Variants in GSE1 observed in about 807,000 individuals in gnomAD.
The protein encoded by GSE1 is Gse1 coiled-coil protein.
A neutral mutation model predicts 112.6 loss-of-function variants in GSE1; 32 were observed. The observed-to-expected ratio is 0.28, with a 90% CI of 0.21 to 0.38. GSE1 has a LOEUF of 0.38. Ranked by LOEUF, GSE1 falls within the 10% of genes least tolerant of loss-of-function variation. The pLI, the probability that GSE1 is intolerant of heterozygous loss-of-function variation, is 1.00. For missense variants in GSE1, 2,348 were observed against 1,699.2 expected (o/e 1.38, Z -6.71); for synonymous variants, 1,115 against 735.6 (o/e 1.52, Z -8.35).
At chr16:85,171,385 C>G in exon 1 of GSE1, 1 of 985,574 alleles carries the variant, frequency 1.0e-6, no homozygotes, top group South Asian at 4.7e-5. Context: ...CGAGAAGGAG[C>G]CCTTCTTCCC....
chr16:85,263,822 C>G (rs1372925484), intron 1 of GSE1, among the ~76,000 whole-genome samples: 1 of 152,198 alleles, frequency 6.6e-6, no homozygotes, highest in Non-Finnish European at 1.5e-5. Flanking sequence ...ATCTGCCTTC[C>G]TCGGCCTCCC....
At chr16:85,482,553 T>C (rs1238554868) in intron 2 of GSE1, among the ~76,000 whole-genome samples, 1 of 152,074 alleles carries the variant, frequency 6.6e-6, no homozygotes, top group East Asian at 1.9e-4. Context: ...GGGCTTAATA[T>C]GAGAACCGAC....
At chr16:85,590,610 TGTG>T (rs1219796445) in intron 1 of GSE1, among the ~76,000 whole-genome samples, 39 of 151,530 alleles carry the variant, frequency 2.6e-4, no homozygotes, top group Non-Finnish European at 5.0e-4. Context: ...TGTGTGACAT[TGTG>T]TGCATGTGTG....
upstream of GSE1, chr16:85,613,125 C>T (rs1424185435): frequency 3.5e-6 from 4 of 1,146,758 alleles, no homozygotes; most frequent in African/African-American, 1.7e-5. Context: ...TGTGTGTTTG[C>T]GGCTGAAACC....
At chr16:85,457,698 C>T (rs552636106) in intron 2 of GSE1, among the ~76,000 whole-genome samples, 11 of 152,324 alleles carry the variant, frequency 7.2e-5, no homozygotes, top group African/African-American at 2.6e-4. Context: ...GATTGCACCC[C>T]CACCCTCTGT....
rs772503252 is a variant in GSE1 at position 85,633,903 on chromosome 16, TC to T, written c.8-9del. 1.9e-5 allele frequency: 31 copies of T among 1,603,948 alleles called. No individual in the cohort carries two copies. The highest frequency in any genetic ancestry group is 2.6e-5 in the Non-Finnish European group (30 of 1,174,494). ...TCTGGGTGACCTCTGGTTCTTCTTT[TC>T]CTGTTTCAGGCATGAGCCATGAGCC... is the stretch of plus-strand genomic sequence containing the variant. On this transcript the variant is annotated splice_polypyrimidine_tract_variant and intron_variant, in intron 1 of 15. Transcript: ENST00000253458.
At chr16:85,176,815 C>T (rs1235534627) in intron 1 of GSE1, among the ~76,000 whole-genome samples, 1 of 152,260 alleles carries the variant, frequency 6.6e-6, no homozygotes, top group Non-Finnish European at 1.5e-5. Context: ...TGTCGTCACC[C>T]ACCCATCAGG....
intron 1 of GSE1, among the ~76,000 whole-genome samples, chr16:85,243,793 A>C (rs1905356012): frequency 1.3e-5 from 2 of 152,222 alleles, no homozygotes; most frequent in African/African-American, 4.8e-5. Flanking sequence ...GAGTCCAAGC[A>C]ACCTTCACTT....
chr16:85,412,986 T>G (rs917771881), intron 2 of GSE1, among the ~76,000 whole-genome samples: 8 of 152,162 alleles, frequency 5.3e-5, no homozygotes, highest in Non-Finnish European at 8.8e-5. Flanking sequence ...CGGGTGCAGG[T>G]TATAATGCTG....
chr16:85,359,752 G>A (rs536869316), intron 2 of GSE1, among the ~76,000 whole-genome samples: 2 of 152,132 alleles, frequency 1.3e-5, no homozygotes, highest in African/African-American at 2.4e-5. Flanking sequence ...CACGAACCCC[G>A]ACGTCTGGCT....
At chr16:85,322,689 C>T (rs534452691) in intron 1 of GSE1, among the ~76,000 whole-genome samples, 3 of 150,750 alleles carry the variant, frequency 2.0e-5, no homozygotes, top group South Asian at 2.1e-4. Flanking sequence ...GATCTTGGCT[C>T]ACTGCCACCT....
At chr16:85,625,221 C>T (rs753814638) in intron 1 of GSE1, among the ~76,000 whole-genome samples, 2 of 152,196 alleles carry the variant, frequency 1.3e-5, no homozygotes, top group African/African-American at 2.4e-5. Context: ...TTCATCTGCC[C>T]GGCCTGCTTC....
At chr16:85,437,068 C>T (rs956859354) in intron 2 of GSE1, among the ~76,000 whole-genome samples, 1 of 152,228 alleles carries the variant, frequency 6.6e-6, no homozygotes, top group Non-Finnish European at 1.5e-5. Flanking sequence ...GGGGCATGGG[C>T]GCAGCCGGCC....
Position 85,602,061 on chromosome 16 carries a change from G to A in GSE1, c.37+45698G>A, listed in dbSNP as rs80306820. Among the ~76,000 whole-genome samples the A allele has an allele frequency of 5.5e-3, 836 of 152,288 alleles. 5 individuals are homozygous for A. Among genetic ancestry groups the A allele is most frequent in the African/African-American group, 0.019 (797 of 41,556 alleles). On this transcript the variant is annotated intron_variant, in intron 1 of 2. Coordinates refer to the GSE1 transcript ENST00000635906. ...GTGCAGTTCTAGAAGAAGCTCCTCC[G>A]TGGTTCAGATCCCAGCCCCACCGTC...
chr16:85,214,558 C>T (rs1284123111), intron 1 of GSE1, among the ~76,000 whole-genome samples: 1 of 152,188 alleles, frequency 6.6e-6, no homozygotes, highest in Non-Finnish European at 1.5e-5. Context: ...TGAATCCAGA[C>T]TTCTCCTAAC....
intron 1 of GSE1, among the ~76,000 whole-genome samples, chr16:85,208,617 G>C (rs981031537): frequency 2.6e-5 from 4 of 152,090 alleles, no homozygotes; most frequent in Non-Finnish European, 5.9e-5. Flanking sequence ...AGATACCTTA[G>C]GCTTTGCGGG....
rs566813283 is a variant in GSE1 at position 85,622,803 on chromosome 16, C to CT, written c.7+9408dup. On this transcript the variant is annotated intron_variant, in intron 1 of 15. Coordinates refer to ENST00000253458, the MANE Select transcript of GSE1 (RefSeq NM_014615.5). ...GCTGAGCCTGGGAAGGGGTTGACCT[C>CT]TTTCTGTTACACCCTCATGGAGTTA... Among the ~76,000 whole-genome samples the CT allele has an allele frequency of 4.6e-5, 7 of 152,304 alleles. No homozygotes were observed. In the South Asian group the frequency reaches 1.5e-3, roughly 32 times the overall value.
At chr16:85,183,574 G>A (rs911220089) in intron 1 of GSE1, among the ~76,000 whole-genome samples, 8 of 152,244 alleles carry the variant, frequency 5.3e-5, no homozygotes, top group Non-Finnish European at 1.2e-4. Context: ...TGATCTGGCC[G>A]TCCTCCATGC....
Position 85,672,779 on chromosome 16 carries a change from T to G in GSE1, c.*240T>G, listed in dbSNP as rs2053452096. On this transcript the variant is annotated 3_prime_UTR_variant, in exon 16 of 16. Coordinates refer to ENST00000253458, the MANE Select transcript of GSE1 (RefSeq NM_014615.5). ...GTAGGATTGCCCACAGTTTTTCTTT[T>G]TAAAGGTGGTTTTCGCCCTTCCTCT... 1 of 331,280 alleles carries G rather than the reference T, an allele frequency of 3.0e-6. No individual in the cohort carries two copies. The highest frequency in any genetic ancestry group is 2.1e-5 in the African/African-American group (1 of 47,516). 20.5% of individuals were successfully genotyped at this position (331,280 alleles called of 1,614,324 possible).
Sources: allele counts gnomAD v4.1 joint callset (sites outside exome capture counted in the v4.1 genomes callset), GRCh38; gene constraint gnomAD v4.1.1; transcripts MANE v1.5; gene names NCBI Gene and HGNC (gene_info 2026-07-23, HGNC 2026-07-21).